The following MARCHF1 variants were observed in gnomAD, a reference collection of about 807,000 sequenced individuals.
MARCHF1 encodes the protein membrane associated ring-CH-type finger 1.
A neutral mutation model predicts 54.2 loss-of-function variants in MARCHF1; 40 were observed. The ratio of observed to expected loss-of-function variants is 0.74; its 90% CI spans 0.57 to 0.96. The LOEUF is 0.96. Ranked by LOEUF, MARCHF1 falls within the 40% of genes least tolerant of loss-of-function variation. MARCHF1 has a pLI of 0.00. For missense variants in MARCHF1, 586 were observed against 656.5 expected (o/e 0.89, Z 1.17); for synonymous variants, 236 against 236.3 (o/e 1.00, Z 0.01).
At chr4:164,366,341 A>G (rs1279868177) in intron 1 of MARCHF1, among the ~76,000 whole-genome samples, 6 of 152,090 alleles carry the variant, frequency 3.9e-5, no homozygotes, top group Non-Finnish European at 8.8e-5. Context: ...ACACTCCAGG[A>G]GAAGGGCCAG....
chr4:164,026,772 A>G (rs907485822), intron 2 of MARCHF1, among the ~76,000 whole-genome samples: 1 of 152,146 alleles, frequency 6.6e-6, no homozygotes, highest in Non-Finnish European at 1.5e-5. Context: ...AAAGTTATTT[A>G]AACAGGAAAA....
At chr4:163,739,168 T>C (rs1031774770) in intron 4 of MARCHF1, among the ~76,000 whole-genome samples, 3 of 152,200 alleles carry the variant, frequency 2.0e-5, no homozygotes, top group Non-Finnish European at 2.9e-5. Context: ...GCATATTTGT[T>C]CATATCTTTG....
intron 4 of MARCHF1, among the ~76,000 whole-genome samples, chr4:163,720,292 C>G (rs185253603): frequency 1.1e-4 from 17 of 152,116 alleles, no homozygotes; most frequent in Middle Eastern, 3.4e-3. Flanking sequence ...GGAATCCTTT[C>G]CCCATTTCTT....
intron 5 of MARCHF1, among the ~76,000 whole-genome samples, chr4:163,633,156 C>T (rs1290585848): frequency 6.6e-6 from 1 of 152,130 alleles, no homozygotes; most frequent in Non-Finnish European, 1.5e-5. Context: ...AAAAACAGAA[C>T]AGAAAAACTG....
intron 1 of MARCHF1, among the ~76,000 whole-genome samples, chr4:164,365,985 G>A (rs114231457): frequency 1.6e-3 from 246 of 151,768 alleles, no homozygotes; most frequent in African/African-American, 5.6e-3. Context: ...CCTCTGAAAC[G>A]CACACATTGC....
intron 1 of MARCHF1, among the ~76,000 whole-genome samples, chr4:164,382,276 CCT>C (rs1484143265): frequency 6.6e-6 from 1 of 152,116 alleles, no homozygotes; most frequent in Non-Finnish European, 1.5e-5. Context: ...TTATTTCAAT[CCT>C]GTTTCAGAAA....
intron 1 of MARCHF1, among the ~76,000 whole-genome samples, chr4:164,157,393 A>G (rs1339306546): frequency 6.6e-6 from 1 of 152,208 alleles, no homozygotes; most frequent in African/African-American, 2.4e-5. Flanking sequence ...AGGAGGCTTC[A>G]CAGTTTGTGA....
At chr4:164,351,183 G>C (rs1319209105) in intron 1 of MARCHF1, among the ~76,000 whole-genome samples, 2 of 151,648 alleles carry the variant, frequency 1.3e-5, no homozygotes. Flanking sequence ...CGAGGCTGGG[G>C]TAGGGGCGCC....
At chr4:163,745,348 T>C (rs1746327080) in intron 4 of MARCHF1, among the ~76,000 whole-genome samples, 2 of 151,952 alleles carry the variant, frequency 1.3e-5, no homozygotes, top group Admixed American at 1.3e-4. Context: ...CTCCTGACCT[T>C]GTGATCCACC....
intron 7 of MARCHF1, among the ~76,000 whole-genome samples, chr4:163,611,948 C>G (rs1292723543): frequency 1.3e-5 from 2 of 152,088 alleles, no homozygotes; most frequent in African/African-American, 4.8e-5. Context: ...ACATTTCACA[C>G]AGTCTCACTC....
intron 3 of MARCHF1, among the ~76,000 whole-genome samples, chr4:163,981,703 T>A (rs1352198964): frequency 6.6e-6 from 1 of 152,190 alleles, no homozygotes; most frequent in Non-Finnish European, 1.5e-5. Context: ...GCTCCCTTTG[T>A]GCTACAAAGA....
At chr4:163,652,378 C>G (rs1742998346) in intron 5 of MARCHF1, among the ~76,000 whole-genome samples, 1 of 151,902 alleles carries the variant, frequency 6.6e-6, no homozygotes, top group African/African-American at 2.4e-5. Flanking sequence ...CTACGATTCT[C>G]CCTGTATTCA....
At chr4:164,353,908 C>G (rs1384264371) in intron 1 of MARCHF1, among the ~76,000 whole-genome samples, 1 of 121,916 alleles carries the variant, frequency 8.2e-6, no homozygotes, top group Non-Finnish European at 1.7e-5. Flanking sequence ...CAAATAGACA[C>G]AATAAAAAAT....
intron 2 of MARCHF1, among the ~76,000 whole-genome samples, chr4:164,091,333 T>C (rs1258928986): frequency 6.6e-6 from 1 of 150,714 alleles, no homozygotes; most frequent in Non-Finnish European, 1.5e-5. Flanking sequence ...GTTAAGGTCA[T>C]TTAAAAACCT....
At chr4:164,357,140 A>T (rs965502559) in intron 1 of MARCHF1, among the ~76,000 whole-genome samples, 13 of 151,948 alleles carry the variant, frequency 8.6e-5, no homozygotes, top group Non-Finnish European at 1.3e-4. Context: ...ATAAATAAAA[A>T]TTTAGTGGTT....
Position 163,986,249 on chromosome 4 carries a change from C to CTT in MARCHF1, c.-39+2250_-39+2251dup, listed in dbSNP as rs869081083. On this transcript the variant is annotated intron_variant, in intron 3 of 9. Coordinates refer to ENST00000514618, the MANE Select transcript of MARCHF1 (RefSeq NM_001394959.1). ...TTCCTTTTCTCCTAATTAACCTCTT[C>CTT]TTTTTTTTTTTTTTTTTTTTTTTTT... Among the ~76,000 whole-genome samples, 59 of 28,882 alleles carry CTT rather than the reference C, an allele frequency of 2.0e-3. 9 individuals carry two copies. The highest frequency in any genetic ancestry group is 3.1e-3 in the African/African-American group (32 of 10,160). The allele number at this position is 28,882 out of a possible 152,430, so 18.9% of individuals were successfully genotyped here.
At chr4:163,633,680 T>A (rs995628675) in intron 5 of MARCHF1, among the ~76,000 whole-genome samples, 1 of 152,156 alleles carries the variant, frequency 6.6e-6, no homozygotes. Context: ...CTGCAGGATA[T>A]TATCCAGGAG....
chr4:164,180,243 T>G (rs1386720957), intron 1 of MARCHF1, among the ~76,000 whole-genome samples: 8 of 152,184 alleles, frequency 5.3e-5, no homozygotes, highest in Admixed American at 5.2e-4. Flanking sequence ...ACTGATAATT[T>G]TATTGGATGT....
chr4:163,963,614 C>T (rs1752383217), intron 3 of MARCHF1, among the ~76,000 whole-genome samples: 1 of 151,886 alleles, frequency 6.6e-6, no homozygotes, highest in Admixed American at 6.6e-5. Context: ...AGTAGTCACA[C>T]CCACAATTCC....
Sources: gnomAD v4.1 joint callset for allele counts (sites outside exome capture counted in the v4.1 genomes callset) on GRCh38, gnomAD v4.1.1 for gene constraint, MANE v1.5 for transcripts, NCBI Gene and HGNC (gene_info 2026-07-23, HGNC 2026-07-21) for gene names.